The following RHCG variants were observed in gnomAD, a reference collection of about 807,000 sequenced individuals.
The protein encoded by RHCG is Rh family C glycoprotein, also known as ammonium transporter Rh type C.
RHCG carries 39 observed loss-of-function variants against 55.3 expected under a neutral mutation model. That is an observed-to-expected ratio of 0.70 (90% CI 0.55 to 0.92). The LOEUF (loss-of-function observed/expected upper bound fraction) is 0.92, where lower values mean the gene tolerates loss of function less well. Ranked by LOEUF, RHCG falls within the 40% of genes least tolerant of loss-of-function variation. The pLI is 0.00. For missense variants in RHCG, 635 were observed against 627.9 expected, an observed-to-expected ratio of 1.01 and a Z score of -0.12; for synonymous variants, 250 against 246.8, an observed-to-expected ratio of 1.01 and a Z score of -0.12.
rs573756821 is a variant in RHCG, at chr15:89,479,251, G to A, written c.837+71C>T. 9 of 1,513,936 alleles carry A rather than the reference G, an allele frequency of 5.9e-6. No individual in the cohort carries two copies. The Admixed American group carries it at 1.3e-4, about 21-fold the overall frequency. The allele number at this position is 1,513,936 out of a possible 1,614,324, so 93.8% of individuals were successfully genotyped here. A position where few individuals can be genotyped will look rare whatever the true frequency, so the allele number is the denominator to read the frequency against. On this transcript the variant is annotated intron_variant, in intron 5 of 10. Transcript: ENST00000268122. Reference sequence around the variant, plus strand: ...TGTGATGATCCCCTCAGAGGTGTTGGCAAGGCATGGTGATCAGCGCCCTCC... The same window carrying A: ...TGTGATGATCCCCTCAGAGGTGTTGACAAGGCATGGTGATCAGCGCCCTCC...
chr15:89,486,251 C>T (rs754804478), intron 2 of RHCG: 12 of 456,678 alleles, frequency 2.6e-5, no homozygotes, highest in South Asian at 1.9e-4. Context: ...GGCGGTGAAG[C>T]AAGGCAGGGA....
chr15:89,483,602 T>C (rs879322805), intron 2 of RHCG, among the ~76,000 whole-genome samples: 1 of 152,174 alleles, frequency 6.6e-6, no homozygotes, highest in Non-Finnish European at 1.5e-5. Flanking sequence ...GCCTCCTCTT[T>C]CAGGAAGTCT....
intron 1 of RHCG, among the ~76,000 whole-genome samples, chr15:89,488,588 C>T (rs189584690): frequency 2.1e-4 from 32 of 152,254 alleles, no homozygotes; most frequent in African/African-American, 6.7e-4. Flanking sequence ...CCAATCTAAT[C>T]ATGAGAAAAC....
intron 5 of RHCG, 113 bp from the exon 6 acceptor site, chr15:89,478,087 G>C (rs1004479210): frequency 7.2e-7 from 1 of 1,383,974 alleles, no homozygotes; most frequent in Non-Finnish European, 9.7e-7. Context: ...TGGGAGCCGG[G>C]GATGGCTGGG....
At position 89,480,392 on chromosome 15, in the gene RHCG, C is replaced by A; in HGVS notation, c.539G>T (p.Gly180Val). ...GCCAAATGTGTGGATGGTCATGGAG[C>A]CTCCTGCATCCTTCACCTGGGGTGC... ...LNLLKVKDAG[G>V]SMTIHTFGAY... Residue 180 changes from glycine (G) to valine (V), a missense_variant, in exon 4 of 11, where the codon GGC becomes GTC. Gly to Val is a moderately radical substitution (Grantham distance 109). Coordinates refer to ENST00000268122, the MANE Select transcript of RHCG (RefSeq NM_016321.3). The A allele has an allele frequency of 1.1e-5, 18 of 1,613,394 alleles. No individual in the cohort carries two copies. Among genetic ancestry groups the A allele is most frequent in the Non-Finnish European group, 1.5e-5 (18 of 1,179,438 alleles).
chr15:89,481,959 A>T (rs1163787923), intron 3 of RHCG, among the ~76,000 whole-genome samples: 1 of 151,812 alleles, frequency 6.6e-6, no homozygotes, highest in African/African-American at 2.4e-5. Flanking sequence ...GCGCCACTAC[A>T]CCCAGCTAAT....
rs574658152 is a variant in RHCG at position 89,483,100 on chromosome 15, A to G, written c.489T>C (p.Ala163=). The change falls in exon 3 of 11, where the codon GCT becomes GCC. Residue 163 remains alanine, a synonymous_variant. Coordinates refer to ENST00000268122, the MANE Select transcript of RHCG (RefSeq NM_016321.3). ...GGTTAAGGAGAATGAACTCATTCAC[A>G]GCGAAGAGGGTCACTTGGAAGAAAG... The part of the protein sequence containing the change: ...IMTFFQVTLF[A]VNEFILLNLL... 371 of 1,605,472 alleles carry G rather than the reference A, an allele frequency of 2.3e-4. 4 individuals are homozygous for G. In the South Asian group the frequency reaches 3.8e-3, roughly 17 times the overall value.
rs1961564416 is a variant in RHCG, at chr15:89,496,303, G to A, written c.184+58C>T. ...TGCCCAGCTCTGGGCCGAGCCCTTG[G>A]CCAGGTGGGGACCGGCGCGGATATG... On this transcript the variant is annotated intron_variant, in intron 1 of 10. Coordinates refer to ENST00000268122, the MANE Select transcript of RHCG (RefSeq NM_016321.3). 3 of 1,582,408 alleles carry A rather than the reference G, an allele frequency of 1.9e-6. No homozygotes were observed. The East Asian group carries it at 6.7e-5, about 35-fold the overall frequency.
At chr15:89,474,800 G>T (rs1408721434) in intron 9 of RHCG, among the ~76,000 whole-genome samples, 7 of 102,010 alleles carry the variant, frequency 6.9e-5, no homozygotes, top group African/African-American at 1.1e-4. Context: ...CTTCCTTCCT[G>T]CCTGCCTTCC....
At chr15:89,491,118 C>T (rs1015933243) in intron 1 of RHCG, among the ~76,000 whole-genome samples, 2 of 152,116 alleles carry the variant, frequency 1.3e-5, no homozygotes, top group African/African-American at 4.8e-5. Flanking sequence ...ACCAAGGGAG[C>T]CGCTGCTGCA....
intron 9 of RHCG, among the ~76,000 whole-genome samples, chr15:89,475,014 C>A (rs1340458454): frequency 2.1e-5 from 3 of 140,680 alleles, no homozygotes; most frequent in Non-Finnish European, 4.5e-5. Context: ...TCCTGCCCGC[C>A]TTCCTTCCTT....
At chr15:89,492,565 C>A (rs146266921) in intron 1 of RHCG, among the ~76,000 whole-genome samples, 88 of 152,346 alleles carry the variant, frequency 5.8e-4, no homozygotes, top group African/African-American at 1.9e-3. Flanking sequence ...CCACAGAAGA[C>A]CCTGGAAAGC....
chr15:89,482,053 C>T (rs921531942), intron 3 of RHCG, among the ~76,000 whole-genome samples: 5 of 152,192 alleles, frequency 3.3e-5, no homozygotes, highest in African/African-American at 9.6e-5. Flanking sequence ...CTGCCTGCCT[C>T]GGCCTCCCAA....
Position 89,477,375 on chromosome 15 carries a change from G to T in RHCG, c.1112+142C>A. Reference sequence around the variant, plus strand: ...TAAAACTCTAAGGGACAGAGTTTGGGGAGAGAGACCCATGAAACAATTGGT... The same window carrying T: ...TAAAACTCTAAGGGACAGAGTTTGGTGAGAGAGACCCATGAAACAATTGGT... On this transcript the variant is annotated intron_variant, in intron 7 of 10. Transcript: ENST00000268122. The surrounding 1 kb of genome is among the most constrained non-coding windows in gnomAD (Gnocchi z 4.5). 1 of 1,399,976 alleles carries T rather than the reference G, an allele frequency of 7.1e-7. No homozygotes were observed. The highest frequency in any genetic ancestry group is 9.7e-7 in the Non-Finnish European group (1 of 1,027,694). 86.7% of individuals were successfully genotyped at this position (1,399,976 alleles called of 1,614,324 possible). A position where few individuals can be genotyped will look rare whatever the true frequency, so the allele number is the denominator to read the frequency against.
chr15:89,486,599 A>AGAGAGAGGGTGTGT, intron 2 of RHCG, 200 bp downstream of exon 2: 1 of 236,652 alleles, frequency 4.2e-6, no homozygotes, highest in Non-Finnish European at 8.0e-6. Flanking sequence ...AGAGAGAGAG[A>AGAGAGAGGGTGTGT]GTGTGTGTGT....
chr15:89,472,290 C>G, intron 10 of RHCG, among the ~76,000 whole-genome samples: 1 of 152,154 alleles, frequency 6.6e-6, no homozygotes, highest in South Asian at 2.1e-4. Context: ...TGTTAGTTGA[C>G]GGAAAGAAAG....
rs557506079 is a variant in RHCG, at chr15:89,487,936, C to G, written c.185-951G>C. Among the ~76,000 whole-genome samples, 7 of 152,282 alleles carry G rather than the reference C, an allele frequency of 4.6e-5. No individual in the cohort carries two copies. The South Asian group carries it at 1.0e-3, about 23-fold the overall frequency. ...CTTCTCAGAGCCTCAGTTTTCTCAA[C>G]GACCAAACTAAAGGGATGTATTAGG... On this transcript the variant is annotated intron_variant, in intron 1 of 10. Coordinates refer to ENST00000268122, the MANE Select transcript of RHCG (RefSeq NM_016321.3).
At chr15:89,496,247 A>G in intron 1 of RHCG, 114 bp downstream of exon 1, 1 of 1,014,186 alleles carries the variant, frequency 9.9e-7, no homozygotes, top group Non-Finnish European at 1.5e-6. Flanking sequence ...CGAGATGCGG[A>G]GTCCGCGGCT....
At chr15:89,493,236 T>A (rs536511438) in intron 1 of RHCG, among the ~76,000 whole-genome samples, 1 of 152,138 alleles carries the variant, frequency 6.6e-6, no homozygotes, top group African/African-American at 2.4e-5. Flanking sequence ...GCTTCTGGAG[T>A]CCAAGCCCTG....
Sources: allele counts gnomAD v4.1 joint callset (sites outside exome capture counted in the v4.1 genomes callset), GRCh38; gene constraint gnomAD v4.1.1; non-coding constraint Gnocchi (gnomAD v3.1); transcripts MANE v1.5; gene names NCBI Gene and HGNC (gene_info 2026-07-23, HGNC 2026-07-21).